TMPRSS15: variants seen among roughly 807,000 people sequenced by gnomAD.
The protein encoded by TMPRSS15 is enteropeptidase.
Under a neutral mutation model 125.3 loss-of-function variants are expected in TMPRSS15, and 128 were observed. The observed-to-expected ratio is 1.02, with a 90% confidence interval of 0.89 to 1.18. TMPRSS15 has a LOEUF of 1.18. TMPRSS15 is among the 50% of genes most tolerant of loss of function. TMPRSS15 has a pLI of 0.00. For synonymous variants in TMPRSS15, 446 were observed against 423.2 expected (o/e 1.05, Z -0.66); for missense variants, 1,283 against 1,212.7 (o/e 1.06, Z -0.86).
chr21:18,277,236 A>G (rs1215163692), intron 23 of TMPRSS15, among the ~76,000 whole-genome samples: 2 of 152,140 alleles, frequency 1.3e-5, no homozygotes, highest in East Asian at 1.9e-4. Context: ...CCACTCTTAG[A>G]GACTTTCTTA....
intron 1 of TMPRSS15, among the ~76,000 whole-genome samples, chr21:18,481,999 CTT>C (rs1165590866): frequency 1.3e-5 from 2 of 151,574 alleles, no homozygotes; most frequent in African/African-American, 4.8e-5. Context: ...TAATTTTTGT[CTT>C]ACAGTTCTTT....
At chr21:18,283,757 G>C (rs922239745) in intron 21 of TMPRSS15, among the ~76,000 whole-genome samples, 7 of 152,012 alleles carry the variant, frequency 4.6e-5, no homozygotes, top group Non-Finnish European at 8.8e-5. Flanking sequence ...ATTTGATATA[G>C]ATTTAAATAA....
intron 24 of TMPRSS15, 73 bp from the exon 25 acceptor site, chr21:18,270,197 CAAAT>C: frequency 7.8e-7 from 1 of 1,282,068 alleles, no homozygotes. Context: ...TTATTTGTAT[CAAAT>C]AAATTAAAAA....
chr21:18,464,446 C>T (rs1481157533), intron 1 of TMPRSS15, among the ~76,000 whole-genome samples: 1 of 151,724 alleles, frequency 6.6e-6, no homozygotes, highest in Non-Finnish European at 1.5e-5. Flanking sequence ...ACACGAGAAA[C>T]CCTTCAAAAA....
At chr21:18,452,037 G>C (rs1221012844) in intron 1 of TMPRSS15, among the ~76,000 whole-genome samples, 1 of 152,016 alleles carries the variant, frequency 6.6e-6, no homozygotes, top group African/African-American at 2.4e-5. Flanking sequence ...TTTTACTCGA[G>C]ATCAATAGCT....
At chr21:18,394,232 A>C (rs923853463) in intron 3 of TMPRSS15, among the ~76,000 whole-genome samples, 1 of 152,140 alleles carries the variant, frequency 6.6e-6, no homozygotes, top group African/African-American at 2.4e-5. Flanking sequence ...TTAGCAATTT[A>C]TGTTGTATTT....
chr21:18,436,110 G>GT (rs1231699984), intron 1 of TMPRSS15, among the ~76,000 whole-genome samples: 8 of 151,298 alleles, frequency 5.3e-5, no homozygotes, highest in Non-Finnish European at 7.4e-5. Flanking sequence ...TTTTTGAAGG[G>GT]TTTTTTGTGT....
chr21:18,296,425 T>C (rs940657271), intron 19 of TMPRSS15, among the ~76,000 whole-genome samples: 5 of 152,202 alleles, frequency 3.3e-5, no homozygotes, highest in African/African-American at 1.2e-4. Flanking sequence ...AGGAAGGGAT[T>C]AAGGACATTT....
chr21:18,283,751 G>T (rs898495996), intron 21 of TMPRSS15, among the ~76,000 whole-genome samples: 1 of 152,002 alleles, frequency 6.6e-6, no homozygotes, highest in African/African-American at 2.4e-5. Flanking sequence ...CAGTTTATTT[G>T]ATATAGATTT....
At chr21:18,400,565 T>C (rs934014872) in intron 1 of TMPRSS15, among the ~76,000 whole-genome samples, 1 of 152,120 alleles carries the variant, frequency 6.6e-6, no homozygotes, top group African/African-American at 2.4e-5. Flanking sequence ...CCTTTCACCA[T>C]ATACAAAAAT....
chr21:18,325,023 T>A (rs568862027), intron 16 of TMPRSS15, among the ~76,000 whole-genome samples: 3 of 152,264 alleles, frequency 2.0e-5, no homozygotes, highest in African/African-American at 7.2e-5. Context: ...TTATCTTGAT[T>A]AACATTTTCC....
In TMPRSS15 at chr21:18,440,520, C is replaced by T. The variant is rs1002017362; in HGVS notation, c.11-42191G>A. Among the ~76,000 whole-genome samples, 17 of 151,794 alleles carry T rather than the reference C, an allele frequency of 1.1e-4. 1 individual carries two copies. Among genetic ancestry groups the T allele is most frequent in the Non-Finnish European group, 1.0e-4 (7 of 67,982 alleles). On this transcript the variant is annotated intron_variant, in intron 1 of 7. Coordinates refer to the TMPRSS15 transcript ENST00000422787. The stretch of plus-strand genomic sequence containing the variant: ...AACTATTTCATAAATCGATGTGTAT[C>T]AGAATCTTAGTCATATGTGATGATC...
intron 6 of TMPRSS15, among the ~76,000 whole-genome samples, chr21:18,369,697 C>A (rs986667405): frequency 6.6e-6 from 1 of 151,898 alleles, no homozygotes; most frequent in African/African-American, 2.4e-5. Context: ...TGGAAAAATT[C>A]TCTTAAATTA....
At chr21:18,275,406 C>A in intron 23 of TMPRSS15, 70 bp from the exon 24 acceptor site, 1 of 1,566,100 alleles carries the variant, frequency 6.4e-7, no homozygotes, top group Non-Finnish European at 8.8e-7. Flanking sequence ...GAACTACCAT[C>A]AGTCCTATTT....
intron 17 of TMPRSS15, among the ~76,000 whole-genome samples, chr21:18,313,616 T>C (rs1048363060): frequency 6.6e-6 from 1 of 151,938 alleles, no homozygotes. Flanking sequence ...ATGTGCAATG[T>C]TCTTAATATT....
chr21:18,372,296 A>G lies in TMPRSS15; in HGVS notation c.561T>C (p.Gly187=), dbSNP rs1439326786. The G allele has an allele frequency of 6.2e-7, 1 of 1,613,314 alleles. No individual in the cohort carries two copies. Among genetic ancestry groups the G allele is most frequent in the African/African-American group, 1.3e-5 (1 of 74,902 alleles). ...TTAGAGCATCAGTACAAGGACTTGA[A>G]CCAGGCAGGCACTCTATTGAGACAT... ...PGNVSIECLP[G]SSPCTDALTC... The change falls in exon 6 of 25, where the codon GGT becomes GGC. Residue 187 remains glycine, a synonymous_variant. Transcript: ENST00000284885.
intron 16 of TMPRSS15, among the ~76,000 whole-genome samples, chr21:18,323,253 A>G (rs961770103): frequency 9.2e-5 from 14 of 152,240 alleles, no homozygotes; most frequent in Non-Finnish European, 2.1e-4. Context: ...GCTAATAAAG[A>G]CATACCTGAG....
At chr21:18,387,421 G>T (rs1393455670) in intron 3 of TMPRSS15, among the ~76,000 whole-genome samples, 2 of 152,044 alleles carry the variant, frequency 1.3e-5, no homozygotes, top group African/African-American at 2.4e-5. Context: ...TCCTAACTTT[G>T]TGGCTTATCT....
intron 24 of TMPRSS15, among the ~76,000 whole-genome samples, chr21:18,272,584 G>T (rs995844078): frequency 5.3e-5 from 8 of 151,984 alleles, no homozygotes; most frequent in African/African-American, 1.9e-4. Flanking sequence ...AATTAGCCAG[G>T]TGTGGTGATG....
Sources: allele counts gnomAD v4.1 joint callset (sites outside exome capture counted in the v4.1 genomes callset), GRCh38; gene constraint gnomAD v4.1.1; transcripts MANE v1.5; gene names NCBI Gene and HGNC (gene_info 2026-07-23, HGNC 2026-07-21).